Variants in ZKSCAN2 observed in about 807,000 individuals in gnomAD.
The protein encoded by ZKSCAN2 is zinc finger with KRAB and SCAN domains 2.
In ZKSCAN2, 38 loss-of-function variants were observed where a neutral mutation model predicts 90.5. The observed-to-expected ratio is 0.42, with a 90% CI of 0.32 to 0.55. The LOEUF (loss-of-function observed/expected upper bound fraction) is 0.55, where lower values mean the gene tolerates loss of function less well. ZKSCAN2 is among the 20% of genes least tolerant of loss of function. ZKSCAN2 has a pLI of 0.11. For synonymous variants in ZKSCAN2, 429 were observed against 421.6 expected, an observed-to-expected ratio of 1.02 and a Z score of -0.22; for missense variants, 1,167 against 1,202.6, an observed-to-expected ratio of 0.97 and a Z score of 0.44.
Position 25,257,226 on chromosome 16 carries a change from T to TA in ZKSCAN2, c.-100dup. The TA allele has an allele frequency of 1.3e-6, 2 of 1,500,172 alleles. No homozygotes were observed. The highest frequency in any genetic ancestry group is 1.8e-6 in the Non-Finnish European group (2 of 1,131,412). 92.9% of individuals were successfully genotyped at this position (1,500,172 alleles called of 1,614,324 possible). ...TAATGTTCCTGGGAGTGTGATAAGG[T>TA]ACGGAGGTAAAAACGGCCAGGTCGG... On this transcript the variant is annotated 5_prime_UTR_variant, in exon 1 of 7. Transcript: ENST00000328086.
In ZKSCAN2 at chr16:25,240,030, T is replaced by C. The variant is rs769011354; in HGVS notation, c.2690A>G (p.Asn897Ser). ...ATGTTCTCGAAATCTCGTACAGTTA[T>C]TGAAACTTTTTTCACAGTCCACACA... ...YKCVDCEKSF[N>S]NCTRFREHRR... Residue 897 changes from asparagine (N) to serine (S), a missense_variant, in exon 7 of 7, where the codon AAT becomes AGT. Coordinates refer to ENST00000328086, the MANE Select transcript of ZKSCAN2 (RefSeq NM_001012981.5). 1.2e-5 allele frequency: 20 copies of C among 1,613,858 alleles called. No homozygotes were observed. The highest frequency in any genetic ancestry group is 1.6e-4 in the Middle Eastern group (1 of 6,080).
intron 6 of ZKSCAN2, among the ~76,000 whole-genome samples, chr16:25,242,583 G>T (rs763382364): frequency 2.3e-4 from 35 of 152,184 alleles, no homozygotes; most frequent in Non-Finnish European, 2.4e-4. Flanking sequence ...AGGTGAGAGA[G>T]AATTTGGACA....
chr16:25,248,425 A>C (rs1426007371), intron 4 of ZKSCAN2, among the ~76,000 whole-genome samples: 2 of 152,150 alleles, frequency 1.3e-5, no homozygotes, highest in African/African-American at 2.4e-5. Context: ...ATATACAAGG[A>C]ACTCCTACAA....
chr16:25,250,659 C>T (rs1963008124), intron 4 of ZKSCAN2, among the ~76,000 whole-genome samples: 1 of 152,042 alleles, frequency 6.6e-6, no homozygotes, highest in South Asian at 2.1e-4. Context: ...GATGTGTTAA[C>T]TCAAATGTGG....
Position 25,256,878 on chromosome 16 carries a change from T to C in ZKSCAN2, c.250A>G (p.Ile84Val). 1 of 1,614,168 alleles carries C rather than the reference T, an allele frequency of 6.2e-7. No individual in the cohort carries two copies. Among genetic ancestry groups the C allele is most frequent in the Non-Finnish European group, 8.5e-7 (1 of 1,180,028 alleles). Residue 84 changes from isoleucine to valine, a missense_variant, in exon 1 of 7, where the codon ATA (isoleucine) becomes GTA (valine). Physicochemically the swap from Ile to Val is conservative, Grantham distance 29. Coordinates refer to ENST00000328086, the MANE Select transcript of ZKSCAN2 (RefSeq NM_001012981.5). ...LKPEMRSKEQ[I>V]LELLVIEQFL... The stretch of plus-strand genomic sequence containing the variant: ...TGCTCAATCACCAGCAGCTCAAGTA[T>C]TTGCTCCTTGGAACGCATTTCTGGC...
At chr16:25,255,183 G>C in intron 2 of ZKSCAN2, 23 bp downstream of exon 2, 1 of 1,585,508 alleles carries the variant, frequency 6.3e-7, no homozygotes, top group Non-Finnish European at 8.6e-7. Flanking sequence ...TGCACTAGGC[G>C]TGCTCCGAGT....
Position 25,257,284 on chromosome 16 carries a change from A to C in ZKSCAN2, c.-157T>G. The C allele has an allele frequency of 6.9e-7, 1 of 1,452,972 alleles. No homozygotes were observed. Among genetic ancestry groups the C allele is most frequent in the Non-Finnish European group, 9.0e-7 (1 of 1,109,684 alleles). 90.0% of individuals were successfully genotyped at this position (1,452,972 alleles called of 1,614,324 possible). A position where few individuals can be genotyped will look rare whatever the true frequency, so the allele number is the denominator to read the frequency against. The stretch of plus-strand genomic sequence containing the variant: ...AGGGTATTCCAGGCTGATTAATCAA[A>C]TCTATGCCAGGCCCTTGAAAAGGTG... On this transcript the variant is annotated 5_prime_UTR_variant, in exon 1 of 7. Transcript: ENST00000328086.
Position 25,257,037 on chromosome 16 carries a change from A to T in ZKSCAN2, c.91T>A (p.Ser31Thr). The stretch of plus-strand genomic sequence containing the variant: ...TCCGATCCTTCCAGAATGGGCTCTG[A>T]TGCCCACTCAGGGTCCTTTTCCACC... ...MKVEKDPEWASEPILEGSDSS... is the reference protein window; with the variant it reads ...MKVEKDPEWATEPILEGSDSS... Residue 31 changes from serine to threonine, a missense_variant, in exon 1 of 7, where the codon TCA becomes ACA. By Grantham distance (58) the Ser-to-Thr change is moderately conservative. Coordinates refer to ENST00000328086, the MANE Select transcript of ZKSCAN2 (RefSeq NM_001012981.5). The T allele has an allele frequency of 6.2e-7, 1 of 1,614,160 alleles. No individual in the cohort carries two copies.
At position 25,241,169 on chromosome 16, in the gene ZKSCAN2, C is replaced by T. The variant is rs545283174; in HGVS notation, c.1982-431G>A. On this transcript the variant is annotated intron_variant, in intron 6 of 6. Transcript: ENST00000328086. Reference sequence around the variant, plus strand: ...ATTCCTCTACATATCTAATCATATCCCACCCAAGGGTACCTGTTTCTTTTC... The same window carrying T: ...ATTCCTCTACATATCTAATCATATCTCACCCAAGGGTACCTGTTTCTTTTC... 1.2e-3 allele frequency among the ~76,000 whole-genome samples: 178 copies of T among 152,274 alleles called. 5 individuals carry two copies. The highest frequency in any genetic ancestry group is 2.8e-4 in the Non-Finnish European group (19 of 68,014).
At chr16:25,252,123 C>A (rs771591071) in intron 3 of ZKSCAN2, 88 bp from the exon 4 acceptor site, 3 of 1,463,918 alleles carry the variant, frequency 2.0e-6, no homozygotes, top group Non-Finnish European at 2.8e-6. Flanking sequence ...GAGAAGAACC[C>A]TAAAGAACTG....
Position 25,257,225 on chromosome 16 carries a change from G to T in ZKSCAN2, c.-98C>A. ...TTAATGTTCCTGGGAGTGTGATAAG[G>T]TACGGAGGTAAAAACGGCCAGGTCG... On this transcript the variant is annotated 5_prime_UTR_variant, in exon 1 of 7. Transcript: ENST00000328086. 10 of 1,484,502 alleles carry T rather than the reference G, an allele frequency of 6.7e-6. No homozygotes were observed. The highest frequency in any genetic ancestry group is 2.3e-5 in the East Asian group (1 of 42,562). The allele number at this position is 1,484,502 out of a possible 1,614,324, so 92.0% of individuals were successfully genotyped here.
Position 25,238,710 on chromosome 16 carries a change from G to A in ZKSCAN2, c.*1106C>T, listed in dbSNP as rs889762498. 6.6e-6 allele frequency: 1 copy of A among 152,220 alleles called. No individual in the cohort carries two copies. The highest frequency in any genetic ancestry group is 1.5e-5 in the Non-Finnish European group (1 of 68,056). The allele number at this position is 152,220 out of a possible 1,614,324, so 9.4% of individuals were successfully genotyped here. On this transcript the variant is annotated 3_prime_UTR_variant, in exon 7 of 7. Coordinates refer to ENST00000328086, the MANE Select transcript of ZKSCAN2 (RefSeq NM_001012981.5). ...TGGGAGATTTAACAGCCAGACCTGA[G>A]AGCGCTGGTCTAAGCTGAGGTGGCT...
chr16:25,239,493 A>T lies in ZKSCAN2; in HGVS notation c.*323T>A, dbSNP rs182749850. On this transcript the variant is annotated 3_prime_UTR_variant, in exon 7 of 7. Transcript: ENST00000328086. ...GGCATTTTTTATATCCTTGAAGACA[A>T]CTCTCACCCATATGGAAGATCTTGA... The T allele has an allele frequency of 4.4e-4, 96 of 215,860 alleles. No individual in the cohort carries two copies. Among genetic ancestry groups the T allele is most frequent in the African/African-American group, 2.1e-3 (94 of 43,904 alleles). The allele number at this position is 215,860 out of a possible 1,614,324, so 13.4% of individuals were successfully genotyped here.
chr16:25,244,611 A>G (rs1459883320), intron 5 of ZKSCAN2, among the ~76,000 whole-genome samples: 6 of 152,226 alleles, frequency 3.9e-5, no homozygotes. Context: ...TTGGAAGAAT[A>G]AAAATGCAGT....
At chr16:25,241,124 C>T (rs1042622377) in intron 6 of ZKSCAN2, among the ~76,000 whole-genome samples, 6 of 152,190 alleles carry the variant, frequency 3.9e-5, no homozygotes, top group African/African-American at 4.8e-5. Flanking sequence ...CCAAGTTCCT[C>T]GAGGGACTTC....
intron 4 of ZKSCAN2, 148 bp downstream of exon 4, chr16:25,251,761 G>T: frequency 1.3e-6 from 1 of 791,246 alleles, no homozygotes. Flanking sequence ...AGTGGGTGAG[G>T]GAAGAGAACC....
chr16:25,255,730 C>T (rs775784982), intron 1 of ZKSCAN2, among the ~76,000 whole-genome samples: 2 of 152,166 alleles, frequency 1.3e-5, no homozygotes, highest in Non-Finnish European at 2.9e-5. Flanking sequence ...TACAGGCATG[C>T]ACCAACACAA....
chr16:25,253,975 G>A (rs940604077), intron 2 of ZKSCAN2, among the ~76,000 whole-genome samples: 1 of 152,022 alleles, frequency 6.6e-6, no homozygotes, highest in Non-Finnish European at 1.5e-5. Flanking sequence ...GCCACTGCAC[G>A]CTAACCTGGA....
rs1221801995 is a variant in ZKSCAN2, at chr16:25,240,287, G to A, written c.2433C>T (p.Ser811=). Residue 811 remains serine, a synonymous_variant, in exon 7 of 7, where the codon AGC becomes AGT. Transcript: ENST00000328086. ...KPFKCLDCGK[S]FNDSSNFGAH... ...CACCAAAATTTGAGGAGTCATTAAA[G>A]CTTTTTCCACAGTCAAGACATTTAA... 1.2e-6 allele frequency: 2 copies of A among 1,614,018 alleles called. No individual in the cohort carries two copies. Among genetic ancestry groups the A allele is most frequent in the East Asian group, 2.2e-5 (1 of 44,876 alleles).
Sources: allele counts gnomAD v4.1 joint callset (sites outside exome capture counted in the v4.1 genomes callset), GRCh38; gene constraint gnomAD v4.1.1; transcripts MANE v1.5; gene names NCBI Gene and HGNC (gene_info 2026-07-23, HGNC 2026-07-21).